The following CYP3A5 variants were observed in gnomAD, a reference collection of about 807,000 sequenced individuals.
CYP3A5 encodes the protein cytochrome P450 family 3 subfamily A member 5, also known as cytochrome P450 3A5.
Under a neutral mutation model 55.9 loss-of-function variants are expected in CYP3A5, and 51 were observed. The observed-to-expected ratio is 0.91, with a 90% CI of 0.73 to 1.15. CYP3A5 has a LOEUF of 1.15. Ranked by LOEUF, CYP3A5 falls within the 50% of genes most tolerant of loss-of-function variation. CYP3A5 has a pLI of 0.00. For synonymous variants in CYP3A5, 196 were observed against 213.9 expected (o/e 0.92, Z 0.73); for missense variants, 533 against 596.6 (o/e 0.89, Z 1.11).
At chr7:99,666,924 CT>C in intron 5 of CYP3A5, 27 bp downstream of exon 5, 1 of 1,609,704 alleles carries the variant, frequency 6.2e-7, no homozygotes. Flanking sequence ...CTTTACATTT[CT>C]AATTAAGACT....
At position 99,660,568 on chromosome 7, in the gene CYP3A5, A is replaced by T; in HGVS notation, c.957T>A (p.Tyr319Ter). The T allele has an allele frequency of 6.2e-7, 1 of 1,614,030 alleles. No homozygotes were observed. Among genetic ancestry groups the T allele is most frequent in the Middle Eastern group, 1.6e-4 (1 of 6,062 alleles). The change falls in exon 10 of 13, where the codon TAT becomes TAA. Residue 319 changes from tyrosine (Y) to a stop codon, truncating the protein, a stop_gained. Transcript: ENST00000222982. LOFTEE classifies it high-confidence loss of function. ...TTSSVLSFTL[Y>*]ELATHPDVQQ... Reference sequence around the variant, plus strand: ...GGACATCAGGGTGAGTGGCCAGTTCATATAAAGTGAAGGAAAGAACACTGC... The same window carrying T: ...GGACATCAGGGTGAGTGGCCAGTTCTTATAAAGTGAAGGAAAGAACACTGC...
intron 6 of CYP3A5, among the ~76,000 whole-genome samples, chr7:99,666,266 T>C (rs923044504): frequency 1.1e-4 from 16 of 152,234 alleles, no homozygotes; most frequent in African/African-American, 2.9e-4. Flanking sequence ...AAATGCTTGC[T>C]TACCCACAGT....
chr7:99,674,892 T>C (rs1329215332), intron 2 of CYP3A5, among the ~76,000 whole-genome samples: 3 of 152,222 alleles, frequency 2.0e-5, no homozygotes, highest in African/African-American at 7.2e-5. Context: ...CTCTCTAAAG[T>C]CTCCTAACCC....
intron 11 of CYP3A5, chr7:99,652,248 A>G (rs1809266083): frequency 1.8e-5 from 3 of 163,518 alleles, no homozygotes. Flanking sequence ...AAATCAAGTA[A>G]GCAGCAATTC....
intron 10 of CYP3A5, chr7:99,660,159 C>G: frequency 2.2e-6 from 2 of 910,056 alleles, no homozygotes; most frequent in Non-Finnish European, 2.6e-6. Context: ...GTGTTGCTCA[C>G]GCTGGGAGCT....
chr7:99,663,039 C>T, intron 8 of CYP3A5, 157 bp from the exon 9 acceptor site: 1 of 1,388,806 alleles, frequency 7.2e-7, no homozygotes, highest in Non-Finnish European at 9.4e-7. Flanking sequence ...TGAACAAAAA[C>T]ATTCATCTAA....
chr7:99,661,908 T>A (rs1424020528), intron 9 of CYP3A5, among the ~76,000 whole-genome samples: 1 of 152,258 alleles, frequency 6.6e-6, no homozygotes, highest in Non-Finnish European at 1.5e-5. Flanking sequence ...AAATAAATAC[T>A]CTTAAAAATT....
In CYP3A5 at chr7:99,662,462, A is replaced by G. The variant is rs1287118494; in HGVS notation, c.865+354T>C. Among the ~76,000 whole-genome samples the G allele has an allele frequency of 6.6e-6, 1 of 152,258 alleles. No homozygotes were observed. Among genetic ancestry groups the G allele is most frequent in the Non-Finnish European group, 1.5e-5 (1 of 68,038 alleles). ...CAGTTAAAATCACCCTTACTGGGAT[A>G]GTGTGCTTCCTGATCGGTATGTTTG... On this transcript the variant is annotated intron_variant, in intron 9 of 12. Coordinates refer to ENST00000222982, the MANE Select transcript of CYP3A5 (RefSeq NM_000777.5). This position sits in a 1 kb window ranked among gnomAD's most constrained non-coding sequence, Gnocchi z 4.3.
At chr7:99,654,509 CTT>C (rs554333931) in intron 10 of CYP3A5, among the ~76,000 whole-genome samples, 266 of 152,276 alleles carry the variant, frequency 1.7e-3, no homozygotes, top group Admixed American at 2.9e-3. Flanking sequence ...GGTTCCAAGT[CTT>C]TGCTATTGTG....
In CYP3A5 at chr7:99,650,149, A is replaced by G. The variant is rs41279854; in HGVS notation, c.1337T>C (p.Phe446Ser). 1.2e-4 allele frequency: 194 copies of G among 1,614,128 alleles called. No homozygotes were observed. Among genetic ancestry groups the G allele is most frequent in the Non-Finnish European group, 1.6e-4 (188 of 1,179,994 alleles). Reference sequence around the variant, plus strand: ...AGCAAGTTTCATGTTCATGAGAGCAAACCTCATGCCAATGCAGTTTCTGGG... The same window carrying G: ...AGCAAGTTTCATGTTCATGAGAGCAGACCTCATGCCAATGCAGTTTCTGGG... ...TGPRNCIGMRFALMNMKLALI... is the reference protein window; with the variant it reads ...TGPRNCIGMRSALMNMKLALI... The change falls in exon 12 of 13, where the codon TTT (phenylalanine) becomes TCT (serine). Residue 446 changes from phenylalanine to serine, a missense_variant. Phe to Ser is a radical substitution (Grantham distance 155, BLOSUM62 -2). Transcript: ENST00000222982.
chr7:99,663,171 G>A, intron 8 of CYP3A5: 1 of 1,143,136 alleles, frequency 8.7e-7, no homozygotes, highest in African/African-American at 1.6e-5. Context: ...TCTGGCCAAA[G>A]AGTTGCCGGT....
intron 10 of CYP3A5, among the ~76,000 whole-genome samples, chr7:99,655,625 G>A (rs1005347074): frequency 8.5e-5 from 13 of 152,312 alleles, no homozygotes; most frequent in African/African-American, 3.1e-4. Flanking sequence ...GAAAGTCATT[G>A]GTAGCTTGAT....
chr7:99,654,408 A>G (rs181941633), intron 10 of CYP3A5, among the ~76,000 whole-genome samples: 2 of 152,328 alleles, frequency 1.3e-5, no homozygotes, highest in African/African-American at 4.8e-5. Context: ...AAAGGACATG[A>G]ACTCATCATT....
intron 1 of CYP3A5, chr7:99,677,327 G>A: frequency 7.3e-6 from 6 of 817,904 alleles, no homozygotes; most frequent in Non-Finnish European, 8.9e-6. Flanking sequence ...GCTCCAGAGA[G>A]GCAAACTACA....
chr7:99,676,640 A>G lies in CYP3A5; in HGVS notation c.72-432T>C, dbSNP rs531586201. The G allele has an allele frequency of 1.6e-5, 16 of 970,566 alleles. No homozygotes were observed. In the East Asian group the frequency reaches 7.9e-4, roughly 48 times the overall value. 60.1% of individuals were successfully genotyped at this position (970,566 alleles called of 1,614,324 possible). A position where few individuals can be genotyped will look rare whatever the true frequency, so the allele number is the denominator to read the frequency against. On this transcript the variant is annotated intron_variant, in intron 1 of 12. Coordinates refer to ENST00000222982, the MANE Select transcript of CYP3A5 (RefSeq NM_000777.5). Reference sequence around the variant, plus strand: ...TGATGATGAGATTTTGCATCACTGTATGCACTCAATCACAGAGGGTCACTG... The same window carrying G: ...TGATGATGAGATTTTGCATCACTGTGTGCACTCAATCACAGAGGGTCACTG...
In CYP3A5 at chr7:99,672,583, T is replaced by A; in HGVS notation, c.315A>T (p.Arg105=). 8 of 1,613,232 alleles carry A rather than the reference T, an allele frequency of 5.0e-6. No homozygotes were observed. Among genetic ancestry groups the A allele is most frequent in the Non-Finnish European group, 6.8e-6 (8 of 1,179,296 alleles). ...VKECYSVFTN[R]RSLGPVGFMK... is the part of the protein sequence containing the mutation. The stretch of plus-strand genomic sequence containing the variant: ...ATTTCAAAAAATGGATGCTTACCCT[T>A]CGATTTGTGAAGACAGAATAACATT... The change falls in exon 4 of 13, where the codon CGA becomes CGT. Residue 105 remains arginine, a synonymous_variant. Transcript: ENST00000222982.
At chr7:99,671,639 T>G in intron 4 of CYP3A5, 1 of 571,702 alleles carries the variant, frequency 1.7e-6, no homozygotes, top group Non-Finnish European at 3.1e-6. Flanking sequence ...TATATAACTC[T>G]TAGAAAAAGC....
intron 3 of CYP3A5, 21 bp downstream of exon 3, chr7:99,674,512 G>T (rs750122748): frequency 1.2e-6 from 2 of 1,607,850 alleles, no homozygotes; most frequent in Admixed American, 1.7e-5. Flanking sequence ...TCTATCCAAT[G>T]GAGGTTTTCA....
chr7:99,661,299 A>G (rs780852595), intron 9 of CYP3A5, among the ~76,000 whole-genome samples: 5 of 152,178 alleles, frequency 3.3e-5, no homozygotes, highest in Admixed American at 2.0e-4. Flanking sequence ...TCAAAATCCA[A>G]ACTTGCAGGA....
Sources: gnomAD v4.1 joint callset for allele counts (sites outside exome capture counted in the v4.1 genomes callset) on GRCh38, gnomAD v4.1.1 for gene constraint, Gnocchi (gnomAD v3.1) non-coding constraint, MANE v1.5 for transcripts, NCBI Gene and HGNC (gene_info 2026-07-23, HGNC 2026-07-21) for gene names.